Variants in KDM4C observed in about 807,000 individuals in gnomAD.
KDM4C encodes lysine demethylase 4C.
KDM4C carries 81 observed loss-of-function variants against 129.3 expected under a neutral mutation model. The ratio of observed to expected loss-of-function variants is 0.63; its 90% CI spans 0.52 to 0.75. KDM4C has a LOEUF of 0.75. Ranked by LOEUF, KDM4C falls within the 30% of genes least tolerant of loss-of-function variation. KDM4C has a pLI of 0.00. For synonymous variants in KDM4C, 573 were observed against 456.1 expected, an observed-to-expected ratio of 1.26 and a Z score of -3.26; for missense variants, 1,457 against 1,304.0, an observed-to-expected ratio of 1.12 and a Z score of -1.81.
At chr9:6,807,997 G>T (rs1158573650) in intron 3 of KDM4C, among the ~76,000 whole-genome samples, 1 of 113,066 alleles carries the variant, frequency 8.8e-6, no homozygotes, top group Non-Finnish European at 1.8e-5. Context: ...GGTGGGGGGG[G>T]TCAGCCCCCC....
chr9:7,123,814 G>C (rs1839755667), intron 18 of KDM4C, among the ~76,000 whole-genome samples: 1 of 152,136 alleles, frequency 6.6e-6, no homozygotes, highest in Non-Finnish European at 1.5e-5. Flanking sequence ...AGAGTCGGAG[G>C]CTACTGGAGC....
chr9:6,733,481 C>G (rs534018255), intron 1 of KDM4C, among the ~76,000 whole-genome samples: 4 of 152,344 alleles, frequency 2.6e-5, no homozygotes, highest in South Asian at 4.1e-4. Context: ...AGATCAGACT[C>G]TGGACCCTGT....
intron 8 of KDM4C, among the ~76,000 whole-genome samples, chr9:6,961,371 A>G (rs555301406): frequency 1.3e-5 from 2 of 152,244 alleles, no homozygotes; most frequent in African/African-American, 4.8e-5. Flanking sequence ...TTGCATGCAT[A>G]TATAGTGTTT....
intron 20 of KDM4C, among the ~76,000 whole-genome samples, chr9:7,167,082 A>G (rs1030291193): frequency 3.9e-5 from 6 of 152,358 alleles, no homozygotes; most frequent in African/African-American, 1.4e-4. Context: ...CCCTCAGAGT[A>G]GTCCTACAAA....
At chr9:7,032,508 C>A (rs1044661083) in intron 15 of KDM4C, among the ~76,000 whole-genome samples, 4 of 152,194 alleles carry the variant, frequency 2.6e-5, no homozygotes, top group Non-Finnish European at 5.9e-5. Context: ...TTCAGAATAA[C>A]TATGGATTTT....
chr9:6,748,422 G>T (rs1157605065), intron 1 of KDM4C, among the ~76,000 whole-genome samples: 7 of 151,348 alleles, frequency 4.6e-5, no homozygotes, highest in Non-Finnish European at 1.0e-4. Flanking sequence ...CAGGAGAATC[G>T]CTTGAACCTG....
intron 1 of KDM4C, among the ~76,000 whole-genome samples, chr9:6,737,948 C>G (rs780853689): frequency 6.6e-6 from 1 of 150,644 alleles, no homozygotes; most frequent in Admixed American, 6.7e-5. Context: ...GCCTGGCTAA[C>G]GTGGCAAAAC....
At chr9:7,052,029 T>C (rs1326471370) in intron 17 of KDM4C, among the ~76,000 whole-genome samples, 1 of 152,168 alleles carries the variant, frequency 6.6e-6, no homozygotes, top group Non-Finnish European at 1.5e-5. Context: ...ACAGCGAAGA[T>C]ATAGACAGAA....
At position 6,986,533 on chromosome 9, in the gene KDM4C, C is replaced by T; in HGVS notation, c.1544C>T (p.Ser515Leu). 2 of 1,614,066 alleles carry T rather than the reference C, an allele frequency of 1.2e-6. No individual in the cohort carries two copies. Among genetic ancestry groups the T allele is most frequent in the Non-Finnish European group, 1.7e-6 (2 of 1,180,008 alleles). Residue 515 changes from serine to leucine, a missense_variant, in exon 11 of 22, where the codon TCA (serine) becomes TTA (leucine). Transcript: ENST00000381309. ...LSWPKSPESC[S>L]SVAESNGVLT... ...TGGCCAAAGTCACCTGAGTCATGCT[C>T]ATCAGTGGCAGAGAGTAATGGTGTG...
At chr9:6,749,793 CCT>C (rs1387053736) in intron 1 of KDM4C, among the ~76,000 whole-genome samples, 1 of 150,714 alleles carries the variant, frequency 6.6e-6, no homozygotes, top group Non-Finnish European at 1.5e-5. Context: ...TCGAGGCCAG[CCT>C]GACCAACATG....
At chr9:7,016,385 C>G (rs1264219368) in intron 15 of KDM4C, among the ~76,000 whole-genome samples, 1 of 149,428 alleles carries the variant, frequency 6.7e-6, no homozygotes, top group Non-Finnish European at 1.5e-5. Flanking sequence ...CCTCGGCCTC[C>G]CAAAGTGCTG....
intron 18 of KDM4C, among the ~76,000 whole-genome samples, chr9:7,126,175 T>G (rs10976053): frequency 0.25 from 37,670 of 151,954 alleles, 4,875 homozygotes; most frequent in East Asian, 0.47. Flanking sequence ...ACATGGTTTT[T>G]TAGGATGCCA....
intron 15 of KDM4C, among the ~76,000 whole-genome samples, chr9:7,032,780 C>T (rs1826993874): frequency 3.9e-5 from 6 of 152,182 alleles, no homozygotes; most frequent in Non-Finnish European, 8.8e-5. Context: ...GGCCAAGCCA[C>T]TGACCTAATC....
intron 4 of KDM4C, among the ~76,000 whole-genome samples, chr9:6,843,574 A>T (rs10119053): frequency 6.6e-6 from 1 of 151,960 alleles, no homozygotes; most frequent in African/African-American, 2.4e-5. Context: ...TTGTGGCCCA[A>T]TTTGCAGCAC....
intron 8 of KDM4C, chr9:6,978,878 T>C (rs1319323154): frequency 1.3e-5 from 2 of 152,220 alleles, no homozygotes; most frequent in Non-Finnish European, 2.9e-5. Context: ...CCATGGCTTA[T>C]CTGCTGTTTC....
chr9:6,890,612 C>G (rs1446076835), intron 7 of KDM4C, among the ~76,000 whole-genome samples: 12 of 151,704 alleles, frequency 7.9e-5, no homozygotes, highest in East Asian at 3.9e-4. Flanking sequence ...GAGTTGCATT[C>G]TGTGTAACAG....
intron 11 of KDM4C, 132 bp from the exon 12 acceptor site, chr9:6,990,284 T>C: frequency 1.5e-6 from 1 of 667,590 alleles, no homozygotes; most frequent in Non-Finnish European, 2.7e-6. Context: ...AAAGGACTAG[T>C]TCCCCAAGAG....
intron 5 of KDM4C, among the ~76,000 whole-genome samples, chr9:6,871,385 A>G (rs1229524405): frequency 6.6e-6 from 1 of 152,130 alleles, no homozygotes; most frequent in Non-Finnish European, 1.5e-5. Context: ...GTTTAAAGGA[A>G]TTTTGTTTTC....
At chr9:6,957,986 G>A (rs1019340431) in intron 8 of KDM4C, among the ~76,000 whole-genome samples, 2 of 152,082 alleles carry the variant, frequency 1.3e-5, no homozygotes, top group Admixed American at 6.6e-5. Context: ...GTGGTGAGAC[G>A]GTGTGACCTC....
Sources: allele counts gnomAD v4.1 joint callset (sites outside exome capture counted in the v4.1 genomes callset), GRCh38; gene constraint gnomAD v4.1.1; transcripts MANE v1.5; gene names NCBI Gene and HGNC (gene_info 2026-07-23, HGNC 2026-07-21).